The following PEBP4 variants were observed in gnomAD, a reference collection of about 807,000 sequenced individuals.
PEBP4 encodes the protein phosphatidylethanolamine-binding protein 4.
Under a neutral mutation model 23.9 loss-of-function variants are expected in PEBP4, and 22 were observed. The ratio of observed to expected loss-of-function variants is 0.92; its 90% CI spans 0.66 to 1.31. The LOEUF (loss-of-function observed/expected upper bound fraction) is 1.31. Ranked by LOEUF, PEBP4 falls within the 40% of genes most tolerant of loss-of-function variation. The pLI is 0.00. For synonymous variants in PEBP4, 112 were observed against 99.3 expected (o/e 1.13, Z -0.76); for missense variants, 324 against 281.7 (o/e 1.15, Z -1.07).
At position 22,714,216 on chromosome 8, in the gene PEBP4, A is replaced by T. The variant is rs1158102483; in HGVS notation, c.518-680T>A. On this transcript the variant is annotated intron_variant, in intron 6 of 6. Transcript: ENST00000256404. Reference sequence around the variant, plus strand: ...TCAGGGGGAGAAAACACAAGTGTGTACAGGGAGGCGCATCTTCTGGGGCAA... The same window carrying T: ...TCAGGGGGAGAAAACACAAGTGTGTTCAGGGAGGCGCATCTTCTGGGGCAA... Among the ~76,000 whole-genome samples the T allele has an allele frequency of 3.9e-5, 6 of 152,310 alleles. No individual in the cohort carries two copies. The East Asian group carries it at 9.7e-4, about 25-fold the overall frequency.
At chr8:22,881,528 T>C (rs928281078) in intron 3 of PEBP4, among the ~76,000 whole-genome samples, 6 of 152,174 alleles carry the variant, frequency 3.9e-5, no homozygotes, top group African/African-American at 1.4e-4. Flanking sequence ...CCCCAGTGCC[T>C]AGAGCCATGC....
At chr8:22,910,025 C>T (rs1563257854) in intron 3 of PEBP4, among the ~76,000 whole-genome samples, 1 of 152,220 alleles carries the variant, frequency 6.6e-6, no homozygotes, top group South Asian at 2.1e-4. Flanking sequence ...TAATGTCCGC[C>T]AGGTTGTGAG....
intron 3 of PEBP4, among the ~76,000 whole-genome samples, chr8:22,830,147 T>TGTGTGTGTGTGTG (rs1393564112): frequency 4.9e-5 from 4 of 80,944 alleles, no homozygotes; most frequent in African/African-American, 2.2e-4. Context: ...GTGTGTGTGT[T>TGTGTGTGTGTGTG]TTTACGGAGT....
At chr8:22,862,614 ATT>A (rs1332103652) in intron 3 of PEBP4, among the ~76,000 whole-genome samples, 1 of 152,160 alleles carries the variant, frequency 6.6e-6, no homozygotes, top group Non-Finnish European at 1.5e-5. Flanking sequence ...ACCTCACACC[ATT>A]CTAAAGGCTT....
At chr8:22,880,948 C>T (rs905512807) in intron 3 of PEBP4, among the ~76,000 whole-genome samples, 1 of 152,238 alleles carries the variant, frequency 6.6e-6, no homozygotes, top group East Asian at 1.9e-4. Flanking sequence ...CCAGGTCCCA[C>T]CACCCTTCCT....
chr8:22,817,506 G>C, intron 4 of PEBP4, 131 bp downstream of exon 4: 1 of 812,464 alleles, frequency 1.2e-6, no homozygotes, highest in Non-Finnish European at 2.0e-6. Context: ...TTTGATAGCT[G>C]AGCACTGGGG....
At chr8:22,911,923 C>T (rs911187324) in intron 3 of PEBP4, among the ~76,000 whole-genome samples, 1 of 152,182 alleles carries the variant, frequency 6.6e-6, no homozygotes, top group Non-Finnish European at 1.5e-5. Context: ...CCTGTTTCCC[C>T]AGCACTTGGC....
At chr8:22,844,880 T>C (rs1807396517) in intron 3 of PEBP4, among the ~76,000 whole-genome samples, 1 of 152,140 alleles carries the variant, frequency 6.6e-6, no homozygotes, top group Admixed American at 6.5e-5. Context: ...AGCCAACCCA[T>C]AAGCTAGCCA....
intron 2 of PEBP4, chr8:22,925,273 T>C (rs1809301991): frequency 1.0e-6 from 1 of 985,314 alleles, no homozygotes; most frequent in Non-Finnish European, 1.2e-6. Flanking sequence ...ACTGGGGGCC[T>C]GCTGGTGTAT....
rs1554497622 is a variant in PEBP4, at chr8:22,920,322, G to C, written c.132-12C>G. 1 of 1,606,144 alleles carries C rather than the reference G, an allele frequency of 6.2e-7. No homozygotes were observed. The highest frequency in any genetic ancestry group is 1.1e-5 in the South Asian group (1 of 90,748). ...AAACTTCAAGGCCCCTATGAAGAGA[G>C]AGGGGAGGTTGCCCTGTGTCAGGGT... On this transcript the variant is annotated splice_polypyrimidine_tract_variant and intron_variant, in intron 2 of 6. Transcript: ENST00000256404.
chr8:22,801,529 A>T (rs1806380325), intron 4 of PEBP4, among the ~76,000 whole-genome samples: 1 of 152,118 alleles, frequency 6.6e-6, no homozygotes, highest in Non-Finnish European at 1.5e-5. Flanking sequence ...AGTTGGGGAA[A>T]GGGTGAGGGG....
At chr8:22,904,200 G>A (rs1414902419) in intron 3 of PEBP4, among the ~76,000 whole-genome samples, 4 of 152,142 alleles carry the variant, frequency 2.6e-5, no homozygotes, top group African/African-American at 4.8e-5. Flanking sequence ...ATCTGCACAC[G>A]AGGCAGCTTG....
intron 4 of PEBP4, among the ~76,000 whole-genome samples, chr8:22,736,020 T>G (rs1213577539): frequency 6.6e-6 from 1 of 152,222 alleles, no homozygotes; most frequent in Admixed American, 6.5e-5. Flanking sequence ...CAAAGTTTCT[T>G]GTCACACAGA....
intron 3 of PEBP4, among the ~76,000 whole-genome samples, chr8:22,867,428 C>T (rs543276742): frequency 6.6e-6 from 1 of 152,292 alleles, no homozygotes; most frequent in East Asian, 1.9e-4. Context: ...GCCCTTGTGC[C>T]GTTCTGCCCA....
chr8:22,899,853 A>G (rs568452582), intron 3 of PEBP4, among the ~76,000 whole-genome samples: 18 of 152,220 alleles, frequency 1.2e-4, no homozygotes, highest in Non-Finnish European at 2.1e-4. Flanking sequence ...AGGGATGACC[A>G]GGAATGTTTT....
At chr8:22,747,601 C>T (rs747366047) in intron 4 of PEBP4, 1 of 90,998 alleles carries the variant, frequency 1.1e-5, no homozygotes, top group South Asian at 3.3e-4. Context: ...TGTGCACGCT[C>T]AGGGGGGTGG....
intron 3 of PEBP4, among the ~76,000 whole-genome samples, chr8:22,908,389 C>CA (rs1367201816): frequency 2.0e-3 from 284 of 139,632 alleles, no homozygotes; most frequent in Non-Finnish European, 3.1e-3. Context: ...AACAAACAAA[C>CA]AAACAAAAAA....
chr8:22,874,086 C>T (rs952489646), intron 3 of PEBP4, among the ~76,000 whole-genome samples: 9 of 152,082 alleles, frequency 5.9e-5, no homozygotes, highest in Admixed American at 1.3e-4. Context: ...GAGCCCATCC[C>T]GCAGCTGGGG....
intron 4 of PEBP4, among the ~76,000 whole-genome samples, chr8:22,745,154 G>A (rs1805085388): frequency 6.6e-6 from 1 of 152,328 alleles, no homozygotes; most frequent in Non-Finnish European, 1.5e-5. Flanking sequence ...GGATGGAAAA[G>A]CCCGTCTAGA....
Sources: gnomAD v4.1 joint callset for allele counts (sites outside exome capture counted in the v4.1 genomes callset) on GRCh38, gnomAD v4.1.1 for gene constraint, MANE v1.5 for transcripts, NCBI Gene and HGNC (gene_info 2026-07-23, HGNC 2026-07-21) for gene names.